Variants in LRRC7 observed in about 807,000 individuals in gnomAD.
LRRC7 encodes leucine-rich repeat-containing protein 7.
Under a neutral mutation model 175.7 loss-of-function variants are expected in LRRC7, and 23 were observed. The ratio of observed to expected loss-of-function variants is 0.13; its 90% CI spans 0.09 to 0.19. The LOEUF is 0.19. LRRC7 is among the 10% of genes least tolerant of loss of function. LRRC7 has a pLI of 1.00. For missense variants in LRRC7, 1,354 were observed against 1,904.7 expected (o/e 0.71, Z 5.38); for synonymous variants, 685 against 680.9 (o/e 1.01, Z -0.09).
intron 7 of LRRC7, among the ~76,000 whole-genome samples, chr1:69,849,568 A>AAC (rs972975668): frequency 7.2e-5 from 11 of 152,042 alleles, no homozygotes; most frequent in African/African-American, 2.6e-4. Context: ...TATGTATTTT[A>AAC]ATATATATAC....
intron 24 of LRRC7, among the ~76,000 whole-genome samples, chr1:70,087,510 AAG>A (rs1393741916): frequency 2.0e-5 from 3 of 152,294 alleles, no homozygotes; most frequent in East Asian, 3.9e-4. Flanking sequence ...AATAATAACA[AAG>A]AGATCAACTA....
At chr1:69,624,718 A>G (rs1651201540) in intron 1 of LRRC7, among the ~76,000 whole-genome samples, 1 of 152,104 alleles carries the variant, frequency 6.6e-6, no homozygotes, top group Non-Finnish European at 1.5e-5. Flanking sequence ...CATTTTGTCC[A>G]ATATGACTAT....
intron 1 of LRRC7, among the ~76,000 whole-genome samples, chr1:69,599,905 C>A (rs1010285452): frequency 6.6e-6 from 1 of 152,078 alleles, no homozygotes; most frequent in Admixed American, 6.6e-5. Context: ...CTGCAAAAAA[C>A]GTTTACTCAC....
intron 2 of LRRC7, among the ~76,000 whole-genome samples, chr1:69,738,604 G>A (rs1213007769): frequency 1.3e-5 from 2 of 151,920 alleles, no homozygotes; most frequent in African/African-American, 2.4e-5. Context: ...GCTGCTGTAT[G>A]AGCCCGTTGC....
intron 1 of LRRC7, among the ~76,000 whole-genome samples, chr1:69,579,530 A>G (rs2100910764): frequency 6.6e-6 from 1 of 152,270 alleles, no homozygotes; most frequent in Non-Finnish European, 1.5e-5. Flanking sequence ...ACCAGTACAT[A>G]TGTGGAGACT....
At chr1:70,021,255 T>G in intron 16 of LRRC7, 126 bp downstream of exon 16, 1 of 843,510 alleles carries the variant, frequency 1.2e-6, no homozygotes, top group African/African-American at 1.7e-5. Context: ...TACCTTTCAT[T>G]ACAGCATGCT....
intron 3 of LRRC7, among the ~76,000 whole-genome samples, chr1:69,766,325 CAA>C: frequency 6.6e-6 from 1 of 152,186 alleles, no homozygotes; most frequent in African/African-American, 2.4e-5. Context: ...GAACAGAAGA[CAA>C]AGAGAGCAAT....
chr1:69,623,788 G>A (rs1304951103), intron 1 of LRRC7, among the ~76,000 whole-genome samples: 2 of 152,144 alleles, frequency 1.3e-5, no homozygotes, highest in Non-Finnish European at 2.9e-5. Context: ...GACCTCAGGT[G>A]ATCCACCCAC....
chr1:69,653,283 CT>C (rs34419253), intron 1 of LRRC7, among the ~76,000 whole-genome samples: 3 of 137,928 alleles, frequency 2.2e-5, no homozygotes, highest in African/African-American at 5.2e-5. Context: ...AATTTAAAAA[CT>C]TTTTTTTAAT....
intron 1 of LRRC7, among the ~76,000 whole-genome samples, chr1:69,668,121 TC>T (rs1335711705): frequency 3.9e-5 from 6 of 151,988 alleles, no homozygotes. Flanking sequence ...AACTTTGCCT[TC>T]CCACTTTTTA....
intron 2 of LRRC7, among the ~76,000 whole-genome samples, chr1:69,680,973 T>C (rs985919776): frequency 1.3e-5 from 2 of 152,124 alleles, no homozygotes; most frequent in African/African-American, 4.8e-5. Flanking sequence ...CTTTAATTGT[T>C]ATTATTGTTC....
intron 5 of LRRC7, among the ~76,000 whole-genome samples, chr1:69,829,407 A>T (rs941959261): frequency 4.0e-5 from 6 of 151,848 alleles, no homozygotes; most frequent in African/African-American, 1.4e-4. Context: ...CATTCATGTA[A>T]TCAAATCAGG....
chr1:69,912,591 AC>A (rs1253841662), intron 7 of LRRC7, among the ~76,000 whole-genome samples: 1 of 152,164 alleles, frequency 6.6e-6, no homozygotes, highest in Non-Finnish European at 1.5e-5. Context: ...CTTATAGGGC[AC>A]CTTTTCCCTC....
At chr1:69,623,557 T>TA (rs1415959286) in intron 1 of LRRC7, among the ~76,000 whole-genome samples, 4 of 150,936 alleles carry the variant, frequency 2.7e-5, no homozygotes, top group African/African-American at 9.7e-5. Flanking sequence ...TACTTTTTTT[T>TA]TTTTTTTTTT....
intron 1 of LRRC7, among the ~76,000 whole-genome samples, chr1:69,601,464 T>C (rs1749513): frequency 0.38 from 57,112 of 151,978 alleles, 12,235 homozygotes; most frequent in African/African-American, 0.57. Context: ...TCCAAATATA[T>C]ATGTATAATA....
chr1:69,637,685 C>G (rs1653606963), intron 1 of LRRC7, among the ~76,000 whole-genome samples: 1 of 151,916 alleles, frequency 6.6e-6, no homozygotes, highest in Non-Finnish European at 1.5e-5. Flanking sequence ...TATTTGTAAG[C>G]ATCTATTCTG....
intron 2 of LRRC7, among the ~76,000 whole-genome samples, chr1:69,756,021 G>A (rs1670384180): frequency 6.6e-6 from 1 of 151,782 alleles, no homozygotes; most frequent in South Asian, 2.1e-4. Flanking sequence ...GGACCAAGGG[G>A]AAAAAGACAG....
intron 1 of LRRC7, among the ~76,000 whole-genome samples, chr1:69,599,137 C>T (rs190027595): frequency 7.5e-4 from 106 of 141,286 alleles, no homozygotes; most frequent in African/African-American, 2.6e-3. Flanking sequence ...CTCAGTTTTA[C>T]AATAAAAAAA....
intron 7 of LRRC7, among the ~76,000 whole-genome samples, chr1:69,910,232 A>AGT (rs1371380619): frequency 6.6e-6 from 1 of 152,188 alleles, no homozygotes; most frequent in Non-Finnish European, 1.5e-5. Context: ...CTGGTGAGGA[A>AGT]GTGCGTTCCT....
Sources: allele counts gnomAD v4.1 joint callset (sites outside exome capture counted in the v4.1 genomes callset), GRCh38; gene constraint gnomAD v4.1.1; transcripts MANE v1.5; gene names NCBI Gene and HGNC (gene_info 2026-07-23, HGNC 2026-07-21).